The following PHACTR1 variants were observed in gnomAD, a reference collection of about 807,000 sequenced individuals.
PHACTR1 encodes RPEL repeat containing 1.
PHACTR1 carries 16 observed loss-of-function variants against 69.2 expected under a neutral mutation model. That is an observed-to-expected ratio of 0.23 (90% confidence interval 0.16 to 0.35). PHACTR1 has a LOEUF of 0.35. Among genes scored for constraint, PHACTR1 ranks in the 10% least tolerant of loss-of-function variants. The pLI, the probability that PHACTR1 is intolerant of heterozygous loss-of-function variation, is 1.00. For missense variants in PHACTR1, 510 were observed against 734.7 expected (o/e 0.69, Z 3.54); for synonymous variants, 312 against 284.5 (o/e 1.10, Z -0.97).
intron 4 of PHACTR1, among the ~76,000 whole-genome samples, chr6:13,025,385 C>T (rs1310154297): frequency 1.3e-5 from 2 of 152,110 alleles, no homozygotes; most frequent in Non-Finnish European, 2.9e-5. Flanking sequence ...CATATACAAA[C>T]CAGATAAAAG....
intron 4 of PHACTR1, among the ~76,000 whole-genome samples, chr6:12,963,405 A>C (rs1013296065): frequency 6.6e-6 from 1 of 152,162 alleles, no homozygotes. Flanking sequence ...AGGAAAATGC[A>C]ACATAAAGGG....
At chr6:12,951,534 T>C (rs1222839779) in intron 4 of PHACTR1, among the ~76,000 whole-genome samples, 1 of 152,252 alleles carries the variant, frequency 6.6e-6, no homozygotes, top group Non-Finnish European at 1.5e-5. Flanking sequence ...GAGGGTAAAG[T>C]ACTTTGCCCA....
chr6:12,990,614 G>A (rs910715081), intron 4 of PHACTR1, among the ~76,000 whole-genome samples: 2 of 152,240 alleles, frequency 1.3e-5, no homozygotes, highest in East Asian at 1.9e-4. Flanking sequence ...TTTAGCAAAT[G>A]TATACAATTT....
chr6:13,150,089 G>A (rs528211975), intron 5 of PHACTR1, among the ~76,000 whole-genome samples: 1 of 152,264 alleles, frequency 6.6e-6, no homozygotes, highest in South Asian at 2.1e-4. Context: ...GCTCACACCT[G>A]TAATCCCAAC....
At chr6:13,196,143 G>A (rs1337121310) in intron 7 of PHACTR1, among the ~76,000 whole-genome samples, 5 of 152,178 alleles carry the variant, frequency 3.3e-5, no homozygotes, top group African/African-American at 4.8e-5. Flanking sequence ...AGCAGGAGCA[G>A]CCACCATCAT....
intron 3 of PHACTR1, among the ~76,000 whole-genome samples, chr6:12,728,550 C>T (rs1561823843): frequency 6.6e-6 from 1 of 152,092 alleles, no homozygotes; most frequent in Non-Finnish European, 1.5e-5. Context: ...ATTTTCACTT[C>T]CTAGCTTGTA....
intron 4 of PHACTR1, among the ~76,000 whole-genome samples, chr6:12,989,101 C>A (rs994426513): frequency 6.6e-6 from 1 of 152,182 alleles, no homozygotes; most frequent in African/African-American, 2.4e-5. Context: ...TATCTTATAA[C>A]GTTGAATCCT....
chr6:13,040,792 A>T (rs1359920816), intron 4 of PHACTR1, among the ~76,000 whole-genome samples: 1 of 152,232 alleles, frequency 6.6e-6, no homozygotes, highest in Non-Finnish European at 1.5e-5. Flanking sequence ...TCCATGTATT[A>T]ATATAATGGT....
intron 4 of PHACTR1, among the ~76,000 whole-genome samples, chr6:12,805,506 C>T (rs754253246): frequency 4.6e-5 from 7 of 152,160 alleles, no homozygotes; most frequent in African/African-American, 9.7e-5. Flanking sequence ...CCACAATACT[C>T]CTGGAATGGC....
At chr6:13,254,685 A>T (rs1462135448) in intron 10 of PHACTR1, among the ~76,000 whole-genome samples, 1 of 152,194 alleles carries the variant, frequency 6.6e-6, no homozygotes, top group Non-Finnish European at 1.5e-5. Flanking sequence ...AACTAATTAT[A>T]AAGGTGTGGG....
intron 4 of PHACTR1, among the ~76,000 whole-genome samples, chr6:12,959,098 A>C (rs2127563551): frequency 6.9e-6 from 1 of 145,072 alleles, no homozygotes; most frequent in South Asian, 2.2e-4. Context: ...AATAGCTTGA[A>C]CCCAGGAGGC....
chr6:13,147,657 C>T (rs1489164995), intron 5 of PHACTR1, among the ~76,000 whole-genome samples: 1 of 151,946 alleles, frequency 6.6e-6, no homozygotes, highest in African/African-American at 2.4e-5. Context: ...TTATAACCAC[C>T]CTTTCTTTCA....
At chr6:12,921,450 T>A (rs1429903385) in intron 4 of PHACTR1, among the ~76,000 whole-genome samples, 1 of 132,212 alleles carries the variant, frequency 7.6e-6, no homozygotes, top group African/African-American at 3.0e-5. Flanking sequence ...CTACCCATGC[T>A]GGAGGGAAGG....
At chr6:13,160,340 T>C in intron 6 of PHACTR1, 56 bp downstream of exon 6, 1 of 1,429,924 alleles carries the variant, frequency 7.0e-7, no homozygotes. Context: ...GGAATCTGCA[T>C]GCATATTGCT....
At chr6:13,041,951 T>A (rs762440243) in intron 4 of PHACTR1, among the ~76,000 whole-genome samples, 1 of 152,150 alleles carries the variant, frequency 6.6e-6, no homozygotes, top group Non-Finnish European at 1.5e-5. Flanking sequence ...AAAACGATAC[T>A]CAACATTTGA....
intron 8 of PHACTR1, among the ~76,000 whole-genome samples, chr6:13,209,660 C>A (rs1275535440): frequency 6.6e-6 from 1 of 152,200 alleles, no homozygotes; most frequent in Admixed American, 6.5e-5. Flanking sequence ...CCTTGAAGAC[C>A]ATCCAGGCCA....
intron 4 of PHACTR1, among the ~76,000 whole-genome samples, chr6:12,996,560 G>A (rs1253384493): frequency 1.3e-5 from 2 of 152,130 alleles, no homozygotes; most frequent in Non-Finnish European, 2.9e-5. Flanking sequence ...CAGATCTATA[G>A]TAAAAATCAA....
chr6:12,797,962 C>A (rs756272984), intron 4 of PHACTR1, among the ~76,000 whole-genome samples: 4 of 151,052 alleles, frequency 2.6e-5, no homozygotes, highest in African/African-American at 9.7e-5. Context: ...ATGATACCTA[C>A]CGCTATTTAA....
intron 4 of PHACTR1, among the ~76,000 whole-genome samples, chr6:12,848,360 CA>C (rs1315465430): frequency 6.6e-6 from 1 of 152,130 alleles, no homozygotes; most frequent in East Asian, 1.9e-4. Flanking sequence ...TTTCTATAAA[CA>C]CAAACACACA....
Sources: gnomAD v4.1 joint callset for allele counts (sites outside exome capture counted in the v4.1 genomes callset) on GRCh38, gnomAD v4.1.1 for gene constraint, MANE v1.5 for transcripts, NCBI Gene and HGNC (gene_info 2026-07-23, HGNC 2026-07-21) for gene names.